Variants in RBFOX1 observed in about 807,000 individuals in gnomAD.
RBFOX1 encodes the protein RNA binding fox-1 homolog 1.
RBFOX1 carries 8 observed loss-of-function variants against 57.7 expected under a neutral mutation model. The observed-to-expected ratio is 0.14, with a 90% CI of 0.08 to 0.25. The LOEUF (loss-of-function observed/expected upper bound fraction) is 0.25, where lower values mean the gene tolerates loss of function less well. RBFOX1 is among the 10% of genes least tolerant of loss of function. RBFOX1 has a pLI of 1.00. For synonymous variants in RBFOX1, 326 were observed against 222.4 expected (o/e 1.47, Z -4.15); for missense variants, 611 against 548.5 (o/e 1.11, Z -1.14).
At chr16:6,258,871 C>G (rs1285410351) in intron 1 of RBFOX1, among the ~76,000 whole-genome samples, 4 of 151,924 alleles carry the variant, frequency 2.6e-5, no homozygotes, top group Non-Finnish European at 4.4e-5. Context: ...CTCATGTACC[C>G]CATAAAGATA....
intron 1 of RBFOX1, among the ~76,000 whole-genome samples, chr16:6,253,699 G>GTGTGTGTGTGTATA (rs71145205): frequency 3.6e-4 from 51 of 142,490 alleles, no homozygotes; most frequent in South Asian, 9.2e-4. Flanking sequence ...GTGTGTGTGT[G>GTGTGTGTGTGTATA]TATATATATA....
chr16:7,664,825 T>C (rs2068756995), intron 12 of RBFOX1, 104 bp from the exon 13 acceptor site: 1 of 1,600,650 alleles, frequency 6.2e-7, no homozygotes, highest in Non-Finnish European at 8.6e-7. Context: ...GTTCCTGTGT[T>C]TTGGATCTTG....
intron 4 of RBFOX1, among the ~76,000 whole-genome samples, chr16:7,185,447 G>GT (rs2083526794): frequency 6.6e-6 from 1 of 151,950 alleles, no homozygotes; most frequent in South Asian, 2.1e-4. Flanking sequence ...TCTGCAAATG[G>GT]TAAGACTAGA....
chr16:5,588,065 T>C (rs1432131674), intron 2 of RBFOX1, among the ~76,000 whole-genome samples: 1 of 152,212 alleles, frequency 6.6e-6, no homozygotes, highest in Non-Finnish European at 1.5e-5. Context: ...TGTAACTTGT[T>C]TGAACCTTGG....
chr16:6,574,809 T>C (rs1233525787), intron 2 of RBFOX1, among the ~76,000 whole-genome samples: 33 of 144,338 alleles, frequency 2.3e-4, no homozygotes, highest in Non-Finnish European at 4.7e-4. Flanking sequence ...GAGGCCAAAG[T>C]GGGCGGATCA....
chr16:5,336,758 C>G (rs1181760017), intron 1 of RBFOX1, among the ~76,000 whole-genome samples: 3 of 152,314 alleles, frequency 2.0e-5, no homozygotes, highest in South Asian at 2.1e-4. Flanking sequence ...CCTCCAGCCC[C>G]CCTCCTTCTG....
At chr16:7,128,514 G>A (rs2069232660) in intron 4 of RBFOX1, among the ~76,000 whole-genome samples, 1 of 152,188 alleles carries the variant, frequency 6.6e-6, no homozygotes, top group South Asian at 2.1e-4. Context: ...TCCCCAGCAA[G>A]CTAGCCTGGT....
intron 2 of RBFOX1, among the ~76,000 whole-genome samples, chr16:5,571,162 C>A (rs994768089): frequency 6.0e-5 from 9 of 149,466 alleles, no homozygotes; most frequent in African/African-American, 2.2e-4. Context: ...AGACAGAAAC[C>A]TTGTAACTCT....
chr16:5,899,289 T>C (rs1051075218), intron 4 of RBFOX1, among the ~76,000 whole-genome samples: 5 of 151,828 alleles, frequency 3.3e-5, no homozygotes, highest in Non-Finnish European at 7.4e-5. Flanking sequence ...CAAAGGATCA[T>C]ACAAACAGAC....
At chr16:6,178,130 C>T (rs1456993468) in intron 1 of RBFOX1, among the ~76,000 whole-genome samples, 1 of 150,328 alleles carries the variant, frequency 6.7e-6, no homozygotes, top group Non-Finnish European at 1.5e-5. Context: ...TGGTCATGGA[C>T]ACCTGGGGAC....
At chr16:6,990,335 G>A (rs997731762) in intron 3 of RBFOX1, among the ~76,000 whole-genome samples, 12 of 152,054 alleles carry the variant, frequency 7.9e-5, no homozygotes, top group Non-Finnish European at 1.5e-4. Flanking sequence ...GACCAGCCTG[G>A]CCAACATGGT....
At chr16:6,807,465 G>A (rs374796076) in intron 3 of RBFOX1, among the ~76,000 whole-genome samples, 1 of 152,090 alleles carries the variant, frequency 6.6e-6, no homozygotes, top group Non-Finnish European at 1.5e-5. Flanking sequence ...GTAGCACACA[G>A]GGCTGGGGTC....
intron 4 of RBFOX1, among the ~76,000 whole-genome samples, chr16:7,244,461 C>G (rs565062102): frequency 2.6e-4 from 40 of 152,118 alleles, no homozygotes; most frequent in Admixed American, 5.2e-4. Flanking sequence ...TCAAGTTTGG[C>G]CATCCTCTTT....
chr16:6,087,234 C>T (rs917574608), intron 1 of RBFOX1, among the ~76,000 whole-genome samples: 2 of 152,162 alleles, frequency 1.3e-5, no homozygotes, highest in Non-Finnish European at 2.9e-5. Flanking sequence ...GAATTTAGGT[C>T]CAACGAAAAG....
At chr16:6,630,867 C>A (rs986905960) in intron 2 of RBFOX1, among the ~76,000 whole-genome samples, 1 of 152,060 alleles carries the variant, frequency 6.6e-6, no homozygotes, top group Non-Finnish European at 1.5e-5. Flanking sequence ...CCCCAAGGAC[C>A]AGGACATTTG....
chr16:6,648,957 G>C (rs1228951361), intron 2 of RBFOX1, among the ~76,000 whole-genome samples: 1 of 151,958 alleles, frequency 6.6e-6, no homozygotes, highest in African/African-American at 2.4e-5. Context: ...TCATTTTTTT[G>C]TGGTTAGAAC....
At chr16:5,963,490 C>T (rs1480067996) in intron 4 of RBFOX1, among the ~76,000 whole-genome samples, 1 of 152,200 alleles carries the variant, frequency 6.6e-6, no homozygotes, top group Non-Finnish European at 1.5e-5. Flanking sequence ...AGGTATCACA[C>T]TTCCTGGTTT....
intron 3 of RBFOX1, among the ~76,000 whole-genome samples, chr16:6,779,751 ACT>A (rs1200485964): frequency 2.0e-4 from 5 of 24,678 alleles, no homozygotes; most frequent in African/African-American, 7.8e-4. Context: ...TTTTATATAT[ACT>A]TTTATATATT....
In RBFOX1 at chr16:6,340,189, G is replaced by T. The variant is rs571288679; in HGVS notation, c.-64+23132G>T. 5.9e-5 allele frequency among the ~76,000 whole-genome samples: 9 copies of T among 152,274 alleles called. No homozygotes were observed. In the South Asian group the frequency reaches 1.9e-3, roughly 32 times the overall value. On this transcript the variant is annotated intron_variant, in intron 2 of 15. Coordinates refer to ENST00000550418, the MANE Select transcript of RBFOX1 (RefSeq NM_018723.4). ...GGATGGCTTCAGTGCTAACAAGAGT[G>T]ATGAATAGTATGGGTGCTAAGGGGT...
Sources: gnomAD v4.1 joint callset for allele counts (sites outside exome capture counted in the v4.1 genomes callset) on GRCh38, gnomAD v4.1.1 for gene constraint, MANE v1.5 for transcripts, NCBI Gene and HGNC (gene_info 2026-07-23, HGNC 2026-07-21) for gene names.